PHEX: variants seen among roughly 807,000 people sequenced by gnomAD.
PHEX encodes phosphate regulating endopeptidase X-linked, also known as phosphate-regulating neutral endopeptidase PHEX.
PHEX carries 16 observed loss-of-function variants against 68.0 expected under a neutral mutation model. That is an observed-to-expected ratio of 0.24 (90% confidence interval 0.16 to 0.36). PHEX has a LOEUF of 0.36. Ranked by LOEUF, PHEX falls within the 10% of genes least tolerant of loss-of-function variation. The probability of loss-of-function intolerance (pLI) is 1.00; values close to 1 mark genes in which losing one functional copy is unlikely to be tolerated. For missense variants in PHEX, 480 were observed against 575.5 expected (o/e 0.83, Z 1.70); for synonymous variants, 208 against 205.1 (o/e 1.01, Z -0.12).
intron 11 of PHEX, among the ~76,000 whole-genome samples, chrX:22,121,952 G>A (rs1375151228): frequency 1.8e-5 from 2 of 111,809 alleles, no homozygotes; most frequent in African/African-American, 3.3e-5. Flanking sequence ...TTGCAGTGGC[G>A]GAGTTTGAAC....
chrX:22,216,102 C>T (rs757435194), intron 16 of PHEX, among the ~76,000 whole-genome samples: 1 of 111,431 alleles, frequency 9.0e-6, no homozygotes, highest in South Asian at 3.8e-4. Flanking sequence ...TTGGAAATAC[C>T]CAAGCAGGGT....
chrX:22,168,524 G>A (rs947586458), intron 13 of PHEX, 135 bp downstream of exon 13: 3 of 499,223 alleles, frequency 6.0e-6, no homozygotes, highest in Non-Finnish European at 1.1e-5. Context: ...TCCTTGGCTA[G>A]ATATGAGCCT....
chrX:22,128,967 A>G (rs764240369), intron 11 of PHEX, among the ~76,000 whole-genome samples: 1 of 110,954 alleles, frequency 9.0e-6, no homozygotes, highest in Non-Finnish European at 1.9e-5. Context: ...AAGTAGGCAC[A>G]GTAAGAGATT....
intron 3 of PHEX, 61 bp downstream of exon 3, chrX:22,047,272 CAT>C: frequency 1.0e-6 from 1 of 988,055 alleles, no homozygotes; most frequent in Non-Finnish European, 1.4e-6. Context: ...ACAGGAAAAA[CAT>C]AGTTTGGGAT....
At chrX:22,192,556 C>T (rs1017261673) in intron 15 of PHEX, among the ~76,000 whole-genome samples, 1 of 111,825 alleles carries the variant, frequency 8.9e-6, no homozygotes, top group Non-Finnish European at 1.9e-5. Context: ...CCCCTTCCTC[C>T]CTCCTTCTGT....
At chrX:22,113,821 A>C (rs1931099996) in intron 10 of PHEX, among the ~76,000 whole-genome samples, 1 of 109,981 alleles carries the variant, frequency 9.1e-6, no homozygotes. Context: ...GCATCCTCTC[A>C]TGTCCCTGCT....
intron 15 of PHEX, among the ~76,000 whole-genome samples, chrX:22,210,364 A>T (rs753656159): frequency 5.4e-5 from 6 of 111,930 alleles, no homozygotes; most frequent in Non-Finnish European, 1.1e-4. Flanking sequence ...CAGGTGTCAG[A>T]TGTTTTCCTG....
At chrX:22,082,089 C>T (rs1164877992) in intron 5 of PHEX, among the ~76,000 whole-genome samples, 1 of 111,986 alleles carries the variant, frequency 8.9e-6, no homozygotes, top group East Asian at 2.8e-4. Flanking sequence ...TCCTTTTTTT[C>T]TCAGGAACTG....
At chrX:22,064,452 C>T (rs894541773) in intron 3 of PHEX, among the ~76,000 whole-genome samples, 6 of 111,786 alleles carry the variant, frequency 5.4e-5, no homozygotes, top group African/African-American at 2.0e-4. Flanking sequence ...GCCTCCAGCT[C>T]CATCTATGTT....
chrX:22,182,574 G>A (rs1337022339), intron 14 of PHEX, among the ~76,000 whole-genome samples: 1 of 106,518 alleles, frequency 9.4e-6, no homozygotes, highest in Non-Finnish European at 1.9e-5. Context: ...CCTGGATTTT[G>A]GTTCTTATGA....
intron 3 of PHEX, among the ~76,000 whole-genome samples, chrX:22,069,006 G>A (rs753689193): frequency 1.1e-4 from 12 of 111,667 alleles, no homozygotes; most frequent in Non-Finnish European, 2.3e-4. Context: ...GTGGTAGCAC[G>A]TGCCTGTAAT....
chrX:22,238,975 A>G (rs1481281877), intron 20 of PHEX, among the ~76,000 whole-genome samples: 1 of 111,473 alleles, frequency 9.0e-6, no homozygotes, highest in African/African-American at 3.3e-5. Flanking sequence ...CATACAGGAG[A>G]GCTCTCACTA....
chrX:22,116,234 C>G (rs5951499), intron 11 of PHEX, among the ~76,000 whole-genome samples: 38,064 of 110,638 alleles, frequency 0.34, 5,561 homozygotes, highest in African/African-American at 0.57. Context: ...TCATAAACCT[C>G]CTGTTTATGT....
rs183276863 is a variant in PHEX at position 22,046,917 on chromosome X, G to A, written c.188-133G>A. ...TTTCATATAGTGAGGTAGATTCAGA[G>A]AGTTTATTTAAGGGGAAATATAAAT... On this transcript the variant is annotated intron_variant, in intron 2 of 21. Coordinates refer to ENST00000379374, the MANE Select transcript of PHEX (RefSeq NM_000444.6). 34 of 559,190 alleles carry A rather than the reference G, an allele frequency of 6.1e-5. No homozygotes were observed. In the East Asian group the frequency reaches 1.1e-3, roughly 18 times the overall value. 46.1% of individuals were successfully genotyped at this position (559,190 alleles called of 1,213,427 possible).
chrX:22,139,775 A>G (rs1279450853), intron 12 of PHEX, among the ~76,000 whole-genome samples: 4 of 108,528 alleles, frequency 3.7e-5, no homozygotes, highest in African/African-American at 1.0e-4. Context: ...CTTGGCCTCA[A>G]CCGATCCGCC....
At chrX:22,156,692 G>A (rs1033791282) in intron 12 of PHEX, among the ~76,000 whole-genome samples, 10 of 109,885 alleles carry the variant, frequency 9.1e-5, no homozygotes, top group Non-Finnish European at 1.1e-4. Flanking sequence ...TATCATTTTG[G>A]TTATGTCTGG....
intron 18 of PHEX, among the ~76,000 whole-genome samples, chrX:22,223,990 T>A (rs765550771): frequency 8.9e-6 from 1 of 112,192 alleles, no homozygotes; most frequent in South Asian, 3.7e-4. Context: ...CCTTAGGTCA[T>A]TGACTTTTTT....
chrX:22,242,250 A>C (rs1397687068), intron 20 of PHEX, among the ~76,000 whole-genome samples: 1 of 112,260 alleles, frequency 8.9e-6, no homozygotes, highest in South Asian at 3.7e-4. Flanking sequence ...AAAACTCTCA[A>C]TAAACTAGGT....
chrX:22,139,359 G>T (rs1932360650), intron 12 of PHEX, among the ~76,000 whole-genome samples: 2 of 111,817 alleles, frequency 1.8e-5, no homozygotes, highest in South Asian at 7.4e-4. Context: ...TGGAGGGGAT[G>T]CATTTCTTTT....
Sources: allele counts gnomAD v4.1 joint callset (sites outside exome capture counted in the v4.1 genomes callset), GRCh38; gene constraint gnomAD v4.1.1; transcripts MANE v1.5; gene names NCBI Gene and HGNC (gene_info 2026-07-23, HGNC 2026-07-21).